Variants in RELN observed in about 807,000 individuals in gnomAD.
RELN encodes reelin.
RELN carries 108 observed loss-of-function variants against 427.6 expected under a neutral mutation model. That is an observed-to-expected ratio of 0.25 (90% CI 0.22 to 0.30). RELN has a LOEUF of 0.30. Ranked by LOEUF, RELN falls within the 10% of genes least tolerant of loss-of-function variation. The pLI, the probability that RELN is intolerant of heterozygous loss-of-function variation, is 1.00. For missense variants in RELN, 3,715 were observed against 4,302.8 expected, an observed-to-expected ratio of 0.86 and a Z score of 3.82; for synonymous variants, 1,524 against 1,513.4, an observed-to-expected ratio of 1.01 and a Z score of -0.16.
At chr7:103,795,662 C>T (rs1177069341) in intron 3 of RELN, among the ~76,000 whole-genome samples, 4 of 152,038 alleles carry the variant, frequency 2.6e-5, no homozygotes, top group Non-Finnish European at 5.9e-5. Context: ...CAAACAAAGG[C>T]AGGTTAAAGG....
intron 3 of RELN, among the ~76,000 whole-genome samples, chr7:103,814,767 G>GAT (rs1563029041): frequency 9.3e-6 from 1 of 107,948 alleles, no homozygotes; most frequent in African/African-American, 3.7e-5. Context: ...GTAGCTCTGT[G>GAT]ACAGAGCTCA....
intron 3 of RELN, among the ~76,000 whole-genome samples, chr7:103,814,035 A>C (rs1792810022): frequency 6.6e-6 from 1 of 152,070 alleles, no homozygotes; most frequent in South Asian, 2.1e-4. Flanking sequence ...AGTAGTAATC[A>C]ACTTTGTGTG....
Position 103,693,342 on chromosome 7 carries a change from C to T in RELN, c.1143+4511G>A, listed in dbSNP as rs369978467. Among the ~76,000 whole-genome samples, 248 of 44,666 alleles carry T rather than the reference C, an allele frequency of 5.6e-3. 1 individual carries two copies. Among genetic ancestry groups the T allele is most frequent in the African/African-American group, 0.02 (223 of 11,380 alleles). 29.3% of individuals were successfully genotyped at this position (44,666 alleles called of 152,430 possible). A position where few individuals can be genotyped will look rare whatever the true frequency, so the allele number is the denominator to read the frequency against. On this transcript the variant is annotated intron_variant, in intron 10 of 64. Transcript: ENST00000428762. ...GGGAACATCACACACTGGGGCCTGT[C>T]GGGGGGTTGGGGGGCAAGGGGAGGG...
chr7:103,596,721 T>C (rs1831545065), intron 24 of RELN, 60 bp from the exon 25 acceptor site: 1 of 1,456,348 alleles, frequency 6.9e-7, no homozygotes, highest in East Asian at 2.3e-5. Context: ...CATTTTGTTG[T>C]TTCAGTTCCA....
At chr7:103,482,811 A>G (rs745991299) in intron 63 of RELN, 62 bp downstream of exon 63, 15 of 1,613,036 alleles carry the variant, frequency 9.3e-6, no homozygotes, top group South Asian at 3.3e-5. Flanking sequence ...GGGTCATGCT[A>G]TATCAAAGGA....
intron 3 of RELN, among the ~76,000 whole-genome samples, chr7:103,826,319 A>AGTGTGTGTGTGTGT (rs768090469): frequency 0.05 from 6,805 of 137,428 alleles, 258 homozygotes; most frequent in Non-Finnish European, 0.065. Context: ...AGACTAAGAC[A>AGTGTGTGTGTGTGT]ATGTGTGTGT....
At chr7:103,935,859 A>G (rs2116720890) in intron 1 of RELN, among the ~76,000 whole-genome samples, 1 of 152,172 alleles carries the variant, frequency 6.6e-6, no homozygotes, top group East Asian at 1.9e-4. Flanking sequence ...CACCACTCCC[A>G]ATTTGATCCT....
chr7:103,648,909 T>C (rs560716580), intron 16 of RELN, among the ~76,000 whole-genome samples: 4 of 152,066 alleles, frequency 2.6e-5, no homozygotes, highest in African/African-American at 9.6e-5. Context: ...CCAATCAGAA[T>C]GGGTATCATT....
chr7:103,861,758 G>C (rs774828491), intron 2 of RELN, among the ~76,000 whole-genome samples: 6 of 152,134 alleles, frequency 3.9e-5, no homozygotes, highest in African/African-American at 1.2e-4. Flanking sequence ...ATGGACAAAA[G>C]AAAGCTTTAT....
intron 1 of RELN, among the ~76,000 whole-genome samples, chr7:103,974,726 G>A (rs1192989624): frequency 6.6e-6 from 1 of 152,156 alleles, no homozygotes. Flanking sequence ...CCATTTTTGT[G>A]TGTTTTCTAT....
At position 103,640,620 on chromosome 7, in the gene RELN, G is replaced by A; in HGVS notation, c.2003-11C>T. The A allele has an allele frequency of 1.2e-6, 2 of 1,613,324 alleles. No individual in the cohort carries two copies. The highest frequency in any genetic ancestry group is 8.5e-7 in the Non-Finnish European group (1 of 1,179,600). Reference sequence around the variant, plus strand: ...ACGGGCCAATATAAACTGTGGGAGGGAAAAAGAGAACATAATTACAAAAAC... The same window carrying A: ...ACGGGCCAATATAAACTGTGGGAGGAAAAAAGAGAACATAATTACAAAAAC... On this transcript the variant is annotated splice_polypyrimidine_tract_variant and intron_variant, in intron 16 of 64. Transcript: ENST00000428762. This position sits in a 1 kb window ranked among gnomAD's most constrained non-coding sequence, Gnocchi z 4.1.
intron 6 of RELN, among the ~76,000 whole-genome samples, chr7:103,737,085 A>G (rs1343568816): frequency 6.6e-6 from 1 of 151,432 alleles, no homozygotes; most frequent in East Asian, 1.9e-4. Context: ...TGATCAAAAT[A>G]GTGAACCATT....
At chr7:103,496,845 A>G (rs1219211630) in intron 55 of RELN, 77 bp from the exon 56 acceptor site, 2 of 1,542,138 alleles carry the variant, frequency 1.3e-6, no homozygotes, top group Admixed American at 3.4e-5. Context: ...TATACTTCAG[A>G]TACTGTGAAC....
intron 26 of RELN, 99 bp downstream of exon 26, chr7:103,594,222 C>T: frequency 1.7e-6 from 2 of 1,159,660 alleles, no homozygotes; most frequent in Non-Finnish European, 1.3e-6. Context: ...TTATATTATA[C>T]ATTCAGTGTC....
intron 2 of RELN, among the ~76,000 whole-genome samples, chr7:103,834,372 G>C (rs189777057): frequency 2.6e-5 from 4 of 152,282 alleles, no homozygotes; most frequent in East Asian, 3.9e-4. Flanking sequence ...TCTGTGTTCA[G>C]CTATGTTAAA....
At position 103,667,645 on chromosome 7, in the gene RELN, T is replaced by C. The variant is rs1054764332; in HGVS notation, c.1290-6118A>G. Among the ~76,000 whole-genome samples, 5 of 152,194 alleles carry C rather than the reference T, an allele frequency of 3.3e-5. No homozygotes were observed. The East Asian group carries it at 7.7e-4, about 23-fold the overall frequency. On this transcript the variant is annotated intron_variant, in intron 11 of 64. Transcript: ENST00000428762. ...GGCTGAGTTCTCAATATATGGACAG[T>C]AGTTTTACTAAATTTCATTAAGCAG...
Position 103,495,771 on chromosome 7 carries a change from G to A in RELN, c.9321C>T (p.Leu3107=), listed in dbSNP as rs150387973. Residue 3107 remains leucine, a synonymous_variant, in exon 57 of 65, where the codon CTC becomes CTT. Coordinates refer to ENST00000428762, the MANE Select transcript of RELN (RefSeq NM_005045.4). ...GCTGTATAATGAGTTCTCGGGAGGA[G>A]AGAGCATTGTGAGTCTTGTCCTTCT... ...NKKKDKTHNA[L]SSRELIIQPG... 601 of 1,614,054 alleles carry A rather than the reference G, an allele frequency of 3.7e-4. 1 individual carries two copies. In the African/African-American group the frequency reaches 7.1e-3, roughly 19 times the overall value.
intron 1 of RELN, among the ~76,000 whole-genome samples, chr7:103,928,409 G>A (rs1795791253): frequency 6.6e-6 from 1 of 152,136 alleles, no homozygotes; most frequent in South Asian, 2.1e-4. Context: ...TTCCCAAATG[G>A]ATTCTGTTTC....
intron 46 of RELN, among the ~76,000 whole-genome samples, chr7:103,527,368 C>T (rs1246237548): frequency 1.3e-5 from 2 of 152,222 alleles, no homozygotes; most frequent in African/African-American, 4.8e-5. Context: ...CCGAAGACGA[C>T]GATGACGCCC....
Sources: allele counts gnomAD v4.1 joint callset (sites outside exome capture counted in the v4.1 genomes callset), GRCh38; gene constraint gnomAD v4.1.1; non-coding constraint Gnocchi (gnomAD v3.1); transcripts MANE v1.5; gene names NCBI Gene and HGNC (gene_info 2026-07-23, HGNC 2026-07-21).